Variants in MARK1 observed in about 807,000 individuals in gnomAD.
MARK1 encodes the protein serine/threonine-protein kinase MARK1.
Under a neutral mutation model 96.3 loss-of-function variants are expected in MARK1, and 40 were observed. That is an observed-to-expected ratio of 0.42 (90% CI 0.32 to 0.54). The LOEUF is 0.54. Ranked by LOEUF, MARK1 falls within the 20% of genes least tolerant of loss-of-function variation. The pLI is 0.16. For missense variants in MARK1, 719 were observed against 984.6 expected (o/e 0.73, Z 3.61); for synonymous variants, 317 against 341.2 (o/e 0.93, Z 0.78).
At chr1:220,625,034 G>A (rs1467277811) in intron 9 of MARK1, among the ~76,000 whole-genome samples, 1 of 152,172 alleles carries the variant, frequency 6.6e-6, no homozygotes, top group Non-Finnish European at 1.5e-5. Context: ...ACTTCGTAAG[G>A]TGTCTTCTTG....
chr1:220,623,345 C>T (rs1246448032), intron 9 of MARK1, among the ~76,000 whole-genome samples: 2 of 152,212 alleles, frequency 1.3e-5, no homozygotes, highest in Non-Finnish European at 2.9e-5. Context: ...CCATATCTCT[C>T]TTCCCTTTCA....
intron 9 of MARK1, 117 bp from the exon 10 acceptor site, chr1:220,630,918 G>A: frequency 8.6e-6 from 6 of 694,006 alleles, no homozygotes; most frequent in Admixed American, 2.6e-5. Flanking sequence ...AATCAAACTA[G>A]AAATGTCACA....
chr1:220,624,713 G>A (rs1435693225), intron 9 of MARK1, among the ~76,000 whole-genome samples: 2 of 152,136 alleles, frequency 1.3e-5, no homozygotes, highest in Non-Finnish European at 2.9e-5. Context: ...GGAACATATG[G>A]ATATGAAGTG....
intron 15 of MARK1, among the ~76,000 whole-genome samples, chr1:220,652,506 A>G (rs1444135288): frequency 6.6e-6 from 1 of 152,220 alleles, no homozygotes; most frequent in Non-Finnish European, 1.5e-5. Context: ...GATAATGATC[A>G]GGCTCAATTC....
intron 1 of MARK1, among the ~76,000 whole-genome samples, chr1:220,545,165 C>T (rs75021091): frequency 0.011 from 1,726 of 152,290 alleles, 14 homozygotes; most frequent in Middle Eastern, 0.027. Context: ...CGAGGGCATT[C>T]GGGGTGGAAG....
chr1:220,603,559 A>C (rs1321864559), intron 5 of MARK1, among the ~76,000 whole-genome samples: 1 of 152,102 alleles, frequency 6.6e-6, no homozygotes, highest in Non-Finnish European at 1.5e-5. Context: ...AGTGAGAATA[A>C]ACACAGAGTA....
intron 3 of MARK1, among the ~76,000 whole-genome samples, chr1:220,590,158 C>T (rs1252732299): frequency 1.3e-5 from 2 of 152,178 alleles, no homozygotes; most frequent in Non-Finnish European, 2.9e-5. Flanking sequence ...ATGCAGCCAG[C>T]TGGAAAATAA....
rs1392653028 is a variant in MARK1, at chr1:220,635,825, A to G, written c.1277-8A>G. 6.4e-7 allele frequency: 1 copy of G among 1,556,220 alleles called. No homozygotes were observed. The highest frequency in any genetic ancestry group is 1.2e-5 in the South Asian group (1 of 81,244). ...CAGCTCATTATGCTATTTTTAAAAA[A>G]ATTATAGCTGGTCCATCCATTCCTC... On this transcript the variant is annotated splice_region_variant and splice_polypyrimidine_tract_variant and intron_variant, in intron 12 of 17. Coordinates refer to ENST00000366917, the MANE Select transcript of MARK1 (RefSeq NM_018650.5).
At chr1:220,648,931 C>G (rs2103047123) in intron 13 of MARK1, among the ~76,000 whole-genome samples, 1 of 152,056 alleles carries the variant, frequency 6.6e-6, no homozygotes, top group South Asian at 2.1e-4. Flanking sequence ...TTAGTAGCTT[C>G]TAAGAGTAAA....
chr1:220,552,736 A>T (rs561747075), intron 1 of MARK1, among the ~76,000 whole-genome samples: 1 of 152,336 alleles, frequency 6.6e-6, no homozygotes, highest in African/African-American at 2.4e-5. Context: ...GTCTGTAGCA[A>T]GTATCTGTTC....
At chr1:220,593,572 C>T (rs977889271) in intron 3 of MARK1, among the ~76,000 whole-genome samples, 6 of 152,096 alleles carry the variant, frequency 3.9e-5, no homozygotes, top group Non-Finnish European at 7.4e-5. Flanking sequence ...AGCCTAGATC[C>T]TCTGCAAATC....
intron 3 of MARK1, among the ~76,000 whole-genome samples, chr1:220,583,040 T>C (rs1664344102): frequency 6.6e-6 from 1 of 152,164 alleles, no homozygotes; most frequent in Non-Finnish European, 1.5e-5. Flanking sequence ...CATTTGACCT[T>C]TCCCATTTAG....
intron 13 of MARK1, among the ~76,000 whole-genome samples, chr1:220,647,291 A>T (rs574484521): frequency 6.6e-6 from 1 of 152,268 alleles, no homozygotes; most frequent in East Asian, 1.9e-4. Flanking sequence ...CCAACAAACA[A>T]GAAAAAAAGG....
intron 9 of MARK1, chr1:220,627,759 G>A (rs181153883): frequency 6.2e-6 from 1 of 160,048 alleles, no homozygotes; most frequent in East Asian, 1.9e-4. Context: ...AATGCCAAAT[G>A]CCTGCTTAGT....
At chr1:220,549,163 A>G (rs1396772028) in intron 1 of MARK1, among the ~76,000 whole-genome samples, 1 of 152,220 alleles carries the variant, frequency 6.6e-6, no homozygotes, top group Non-Finnish European at 1.5e-5. Flanking sequence ...TTAAGAGCAC[A>G]AGCTTTGAAG....
chr1:220,641,432 C>A (rs1668262963), intron 13 of MARK1, among the ~76,000 whole-genome samples: 1 of 152,090 alleles, frequency 6.6e-6, no homozygotes, highest in African/African-American at 2.4e-5. Context: ...GGAAGCGGGC[C>A]TTCACATGCT....
At chr1:220,588,261 G>A (rs1407532657) in intron 3 of MARK1, among the ~76,000 whole-genome samples, 2 of 152,076 alleles carry the variant, frequency 1.3e-5, no homozygotes, top group African/African-American at 2.4e-5. Context: ...AGCTGTGCAG[G>A]ATCTTAGGAG....
chr1:220,531,200 C>A (rs983836569), intron 1 of MARK1, among the ~76,000 whole-genome samples: 8 of 152,140 alleles, frequency 5.3e-5, no homozygotes, highest in African/African-American at 1.9e-4. Flanking sequence ...ATTTTTACTT[C>A]TCATCGATGA....
rs1666900773 is a variant in MARK1 at position 220,618,830 on chromosome 1, CTA to C, written c.909+77_909+78del. 2 of 1,315,666 alleles carry C rather than the reference CTA, an allele frequency of 1.5e-6. No homozygotes were observed. Among genetic ancestry groups the C allele is most frequent in the Non-Finnish European group, 2.0e-6 (2 of 977,930 alleles). 81.5% of individuals were successfully genotyped at this position (1,315,666 alleles called of 1,614,324 possible). ...CCAGGAACCGAAGAGCATTTTTCTC[CTA>C]TGTTTTCTTAGGAAAATTGCCAAAT... On this transcript the variant is annotated intron_variant, in intron 9 of 17. Coordinates refer to ENST00000366917, the MANE Select transcript of MARK1 (RefSeq NM_018650.5). The surrounding 1 kb of genome is among the most constrained non-coding windows in gnomAD (Gnocchi z 4.6).
Sources: allele counts gnomAD v4.1 joint callset (sites outside exome capture counted in the v4.1 genomes callset), GRCh38; gene constraint gnomAD v4.1.1; non-coding constraint Gnocchi (gnomAD v3.1); transcripts MANE v1.5; gene names NCBI Gene and HGNC (gene_info 2026-07-23, HGNC 2026-07-21).